WWTR1: variants seen among roughly 807,000 people sequenced by gnomAD.
WWTR1 encodes WW domain containing transcription regulator 1.
A neutral mutation model predicts 40.1 loss-of-function variants in WWTR1; 13 were observed. The observed-to-expected ratio is 0.32, with a 90% CI of 0.21 to 0.52. The LOEUF (loss-of-function observed/expected upper bound fraction) is 0.52. Ranked by LOEUF, WWTR1 falls within the 20% of genes least tolerant of loss-of-function variation. The pLI, the probability that WWTR1 is intolerant of heterozygous loss-of-function variation, is 0.97. For synonymous variants in WWTR1, 230 were observed against 210.1 expected, an observed-to-expected ratio of 1.09 and a Z score of -0.82; for missense variants, 436 against 523.1, an observed-to-expected ratio of 0.83 and a Z score of 1.63.
chr3:149,522,012 C>T (rs1321740333), intron 6 of WWTR1, among the ~76,000 whole-genome samples: 1 of 152,046 alleles, frequency 6.6e-6, no homozygotes, highest in Non-Finnish European at 1.5e-5. Context: ...GTTCATTGTC[C>T]TGAGAGAAAG....
chr3:149,717,011 T>C (rs1217590747), intron 5 of WWTR1, among the ~76,000 whole-genome samples: 5 of 152,058 alleles, frequency 3.3e-5, no homozygotes. Context: ...ACCCTGTCTC[T>C]ATAAAAAATA....
chr3:149,691,110 T>C (rs1048906647), intron 1 of WWTR1, among the ~76,000 whole-genome samples: 1 of 151,780 alleles, frequency 6.6e-6, no homozygotes, highest in African/African-American at 2.4e-5. Context: ...AAAAAATTTC[T>C]TGAAACAAAT....
chr3:149,623,104 G>A (rs1055551295), intron 2 of WWTR1, among the ~76,000 whole-genome samples: 2 of 152,170 alleles, frequency 1.3e-5, no homozygotes, highest in African/African-American at 4.8e-5. Flanking sequence ...GCTTATGCCT[G>A]TAATCCCAGC....
chr3:149,575,964 T>C (rs1737857768), intron 2 of WWTR1: 1 of 456,546 alleles, frequency 2.2e-6, no homozygotes, highest in African/African-American at 2.0e-5. Flanking sequence ...CCCTTCAAAC[T>C]CCACACCCAG....
At chr3:149,674,794 T>C (rs567115217) in intron 1 of WWTR1, among the ~76,000 whole-genome samples, 6 of 72,972 alleles carry the variant, frequency 8.2e-5, no homozygotes, top group African/African-American at 2.3e-4. Context: ...CCATGTTTTC[T>C]AGTCTAGCTC....
intron 2 of WWTR1, among the ~76,000 whole-genome samples, chr3:149,598,371 T>G (rs1214656941): frequency 6.6e-6 from 1 of 152,220 alleles, no homozygotes; most frequent in African/African-American, 2.4e-5. Context: ...AAAATTATTA[T>G]CCCCATCTTA....
intron 3 of WWTR1, among the ~76,000 whole-genome samples, chr3:149,554,617 C>T (rs997986553): frequency 6.6e-6 from 1 of 151,738 alleles, no homozygotes; most frequent in African/African-American, 2.4e-5. Context: ...GACATTAGTT[C>T]TCATCATTAT....
chr3:149,689,598 A>G (rs2108211909), intron 1 of WWTR1, among the ~76,000 whole-genome samples: 1 of 152,208 alleles, frequency 6.6e-6, no homozygotes, highest in East Asian at 1.9e-4. Context: ...TAAAGTACTG[A>G]AAGAAAAAAA....
rs377393830 is a variant in WWTR1 at position 149,606,476 on chromosome 3, T to A, written c.432-33476A>T. ...GTCAGTAAACATTATAATATATAGG[T>A]CATGAAACACTGAGGTCTACAAAAG... is the stretch of plus-strand genomic sequence containing the variant. On this transcript the variant is annotated intron_variant, in intron 2 of 6. Transcript: ENST00000360632. Among the ~76,000 whole-genome samples, 4 of 152,210 alleles carry A rather than the reference T, an allele frequency of 2.6e-5. No individual in the cohort carries two copies. The East Asian group carries it at 5.8e-4, about 22-fold the overall frequency.
intron 1 of WWTR1, among the ~76,000 whole-genome samples, chr3:149,694,420 C>G (rs964115477): frequency 4.6e-5 from 7 of 152,004 alleles, no homozygotes; most frequent in Non-Finnish European, 1.0e-4. Context: ...ACAAAACAAA[C>G]AAACAACAAC....
intron 1 of WWTR1, among the ~76,000 whole-genome samples, chr3:149,678,614 T>A (rs1714350500): frequency 6.6e-6 from 1 of 152,130 alleles, no homozygotes; most frequent in Admixed American, 6.6e-5. Flanking sequence ...CCTGCCACTG[T>A]GAAGGCTTAC....
At chr3:149,526,172 A>C (rs1735298483) in intron 5 of WWTR1, 47 bp from the exon 6 acceptor site, 1 of 1,412,138 alleles carries the variant, frequency 7.1e-7, no homozygotes, top group South Asian at 1.4e-5. Flanking sequence ...CCACTAAATA[A>C]ATCTCAAAAT....
intron 2 of WWTR1, among the ~76,000 whole-genome samples, chr3:149,601,352 C>T (rs1576589553): frequency 6.6e-6 from 1 of 152,232 alleles, no homozygotes; most frequent in East Asian, 1.9e-4. Context: ...GGTGAGCCCC[C>T]ATACCTGGCT....
intron 3 of WWTR1, among the ~76,000 whole-genome samples, chr3:149,571,003 T>C (rs970289663): frequency 5.9e-5 from 9 of 152,126 alleles, no homozygotes; most frequent in African/African-American, 1.4e-4. Flanking sequence ...AGTAGACTAA[T>C]AGGCAAATTT....
chr3:149,711,179 A>G (rs1050273767), intron 5 of WWTR1, among the ~76,000 whole-genome samples: 3 of 149,628 alleles, frequency 2.0e-5, no homozygotes, highest in Non-Finnish European at 3.0e-5. Flanking sequence ...AAAAAAAAAA[A>G]GGGAGGCTGG....
At chr3:149,625,262 T>C (rs1428732760) in intron 2 of WWTR1, among the ~76,000 whole-genome samples, 2 of 151,422 alleles carry the variant, frequency 1.3e-5, no homozygotes, top group African/African-American at 4.9e-5. Flanking sequence ...GCTGGGACTA[T>C]AGGCGCCCAC....
chr3:149,626,495 ATATTC>A (rs1181280852), intron 2 of WWTR1, among the ~76,000 whole-genome samples: 2 of 151,674 alleles, frequency 1.3e-5, no homozygotes, highest in African/African-American at 4.9e-5. Flanking sequence ...AAGTATATAC[ATATTC>A]TATAGTATGT....
At chr3:149,572,642 C>T (rs970146657) in intron 3 of WWTR1, among the ~76,000 whole-genome samples, 1 of 151,854 alleles carries the variant, frequency 6.6e-6, no homozygotes, top group Non-Finnish European at 1.5e-5. Flanking sequence ...CACTTATGAG[C>T]CCCGCCACCC....
At position 149,519,535 on chromosome 3, in the gene WWTR1, T is replaced by G. The variant is rs955291771; in HGVS notation, c.*1270A>C. 3 of 152,266 alleles carry G rather than the reference T, an allele frequency of 2.0e-5. No homozygotes were observed. The highest frequency in any genetic ancestry group is 4.4e-5 in the Non-Finnish European group (3 of 68,050). The allele number at this position is 152,266 out of a possible 1,614,324, so 9.4% of individuals were successfully genotyped here. On this transcript the variant is annotated 3_prime_UTR_variant, in exon 7 of 7. Transcript: ENST00000360632. ...GTGTGCTATCAGGTTGAAATCTATG[T>G]TGTCCTGATGTTTTCAGAGTTATTT...
Sources: allele counts gnomAD v4.1 joint callset (sites outside exome capture counted in the v4.1 genomes callset), GRCh38; gene constraint gnomAD v4.1.1; transcripts MANE v1.5; gene names NCBI Gene and HGNC (gene_info 2026-07-23, HGNC 2026-07-21).